The following ADAMTS2 variants were observed in gnomAD, a reference collection of about 807,000 sequenced individuals.
The protein encoded by ADAMTS2 is A disintegrin and metalloproteinase with thrombospondin motifs 2.
ADAMTS2 carries 50 observed loss-of-function variants against 123.0 expected under a neutral mutation model. The ratio of observed to expected loss-of-function variants is 0.41; its 90% confidence interval spans 0.32 to 0.51. ADAMTS2 has a LOEUF of 0.51. Among genes scored for constraint, ADAMTS2 ranks in the 20% least tolerant of loss-of-function variants. The pLI, the probability that ADAMTS2 is intolerant of heterozygous loss-of-function variation, is 0.35. For missense variants in ADAMTS2, 1,494 were observed against 1,705.2 expected (o/e 0.88, Z 2.18); for synonymous variants, 678 against 695.4 (o/e 0.98, Z 0.39).
At chr5:179,187,589 T>C (rs1015445573) in intron 4 of ADAMTS2, among the ~76,000 whole-genome samples, 1 of 151,746 alleles carries the variant, frequency 6.6e-6, no homozygotes, top group Non-Finnish European at 1.5e-5. Flanking sequence ...GCTAAGGGCC[T>C]CCCCTCCCCT....
At chr5:179,229,665 T>C (rs573442281) in intron 3 of ADAMTS2, among the ~76,000 whole-genome samples, 19 of 152,190 alleles carry the variant, frequency 1.2e-4, no homozygotes, top group Non-Finnish European at 1.9e-4. Flanking sequence ...CTGCAGCCAT[T>C]CTTGAAATCA....
chr5:179,285,182 C>T lies in ADAMTS2; in HGVS notation c.535-12118G>A, dbSNP rs1051141416. ...AACAAAGGGTCAGCAGTGTTACGAT[C>T]GGGGGTGAGTTTCACTTTTTATTAA... On this transcript the variant is annotated intron_variant, in intron 2 of 21. Transcript: ENST00000251582. This position sits in a 1 kb window ranked among gnomAD's most constrained non-coding sequence, Gnocchi z 4.9. Among the ~76,000 whole-genome samples, 8 of 152,150 alleles carry T rather than the reference C, an allele frequency of 5.3e-5. No homozygotes were observed. Among genetic ancestry groups the T allele is most frequent in the East Asian group, 1.9e-4 (1 of 5,180 alleles).
chr5:179,205,210 GC>G (rs1345518358), intron 4 of ADAMTS2, among the ~76,000 whole-genome samples: 2 of 152,186 alleles, frequency 1.3e-5, no homozygotes, highest in Non-Finnish European at 2.9e-5. Flanking sequence ...AGGTTGATCT[GC>G]CTCTGCCAGC....
chr5:179,263,801 C>T (rs567636208), intron 3 of ADAMTS2, among the ~76,000 whole-genome samples: 14 of 152,374 alleles, frequency 9.2e-5, no homozygotes, highest in African/African-American at 2.6e-4. Flanking sequence ...AGAAGACAGA[C>T]GCCAGCACGC....
rs1054480 is a variant in ADAMTS2, at chr5:179,113,974, G to A, written c.3529C>T (p.Pro1177Ser). The change falls in exon 22 of 22, where the codon CCC (proline) becomes TCC (serine). Residue 1177 changes from proline (P) to serine (S), a missense_variant. Physicochemically the swap from Pro to Ser is moderately conservative, Grantham distance 74 (BLOSUM62 -1). Coordinates refer to ENST00000251582, the MANE Select transcript of ADAMTS2 (RefSeq NM_014244.5). ...CTCGGTCGTCGAGGGATTAGGTTGG[G>A]TGGCTGGACTTCATCTTCCAGGCCA... Reference protein sequence around the residue: ...IHGLEDEVQPPNLIPRRPSPY... With the variant: ...IHGLEDEVQPSNLIPRRPSPY... 468,924 of 1,613,916 alleles carry A rather than the reference G, an allele frequency of 0.29. 71,235 individuals are homozygous for A. The highest frequency in any genetic ancestry group is 0.39 in the Admixed American group (23,431 of 60,004).
intron 2 of ADAMTS2, among the ~76,000 whole-genome samples, chr5:179,284,194 T>G (rs547535839): frequency 6.0e-5 from 9 of 150,146 alleles, no homozygotes; most frequent in African/African-American, 2.2e-4. Flanking sequence ...CCGGGCTTGG[T>G]GGTACGCGCC....
At position 179,260,781 on chromosome 5, in the gene ADAMTS2, T is replaced by C. The variant is rs1305776169; in HGVS notation, c.688+12130A>G. Among the ~76,000 whole-genome samples the C allele has an allele frequency of 6.6e-6, 1 of 152,216 alleles. No individual in the cohort carries two copies. The highest frequency in any genetic ancestry group is 6.5e-5 in the Admixed American group (1 of 15,280). On this transcript the variant is annotated intron_variant, in intron 3 of 21. Transcript: ENST00000251582. The surrounding 1 kb of genome is among the most constrained non-coding windows in gnomAD (Gnocchi z 4.2). ...CCTAGGAGATGATGTACCTGCAGCG[T>C]GCTGGCAGACGCGGTCAACGGTAAG...
intron 13 of ADAMTS2, among the ~76,000 whole-genome samples, chr5:179,134,388 G>A (rs1233368289): frequency 6.6e-6 from 1 of 152,046 alleles, no homozygotes. Flanking sequence ...ACCAAACCAA[G>A]ATTCTTGCAC....
intron 19 of ADAMTS2, among the ~76,000 whole-genome samples, chr5:179,124,343 T>A (rs1245772291): frequency 6.6e-6 from 1 of 152,060 alleles, no homozygotes; most frequent in Non-Finnish European, 1.5e-5. Flanking sequence ...GGACCACCCC[T>A]GAAGCCCTTC....
At chr5:179,122,073 T>C (rs969574944) in intron 20 of ADAMTS2, among the ~76,000 whole-genome samples, 70 of 152,262 alleles carry the variant, frequency 4.6e-4, no homozygotes, top group African/African-American at 1.7e-3. Flanking sequence ...ACTCGAGCTC[T>C]GAGCTCCCAG....
chr5:179,323,139 G>C (rs408508), intron 2 of ADAMTS2, among the ~76,000 whole-genome samples: 130,347 of 152,272 alleles, frequency 0.86, 55,868 homozygotes, highest in Admixed American at 0.91. Flanking sequence ...TGGTGCCCTC[G>C]AGAGGCAGGC....
Position 179,113,853 on chromosome 5 carries a change from ATCT to A in ADAMTS2, c.*11_*13del. 2 of 1,611,972 alleles carry A rather than the reference ATCT, an allele frequency of 1.2e-6. No individual in the cohort carries two copies. Among genetic ancestry groups the A allele is most frequent in the Non-Finnish European group, 1.7e-6 (2 of 1,178,000 alleles). Reference sequence around the variant, plus strand: ...GCAAGAAAAAAATGCTAGGGATGCTATCTTTCCATTTTATTAGAACTTTCCGAG... The same window carrying A: ...GCAAGAAAAAAATGCTAGGGATGCTATTCCATTTTATTAGAACTTTCCGAG... On this transcript the variant is annotated 3_prime_UTR_variant, in exon 22 of 22. Coordinates refer to ENST00000251582, the MANE Select transcript of ADAMTS2 (RefSeq NM_014244.5).
At chr5:179,207,035 C>CTTT (rs1277684996) in intron 4 of ADAMTS2, among the ~76,000 whole-genome samples, 1 of 152,166 alleles carries the variant, frequency 6.6e-6, no homozygotes, top group Non-Finnish European at 1.5e-5. Context: ...CTACTTTAAA[C>CTTT]AGAAAAGGGG....
chr5:179,230,574 T>G (rs1765387764), intron 3 of ADAMTS2, among the ~76,000 whole-genome samples: 1 of 152,168 alleles, frequency 6.6e-6, no homozygotes, highest in Non-Finnish European at 1.5e-5. Context: ...TCACCTTGGG[T>G]CTCACTTCTG....
intron 2 of ADAMTS2, among the ~76,000 whole-genome samples, chr5:179,335,685 C>T (rs1321476440): frequency 6.6e-6 from 1 of 152,214 alleles, no homozygotes; most frequent in Non-Finnish European, 1.5e-5. Context: ...AGCTCTCAAG[C>T]CCCTTTTCAT....
intron 3 of ADAMTS2, among the ~76,000 whole-genome samples, chr5:179,231,520 A>G: frequency 6.6e-6 from 1 of 152,208 alleles, no homozygotes; most frequent in East Asian, 1.9e-4. Context: ...ACAAATCCAC[A>G]CTTGCTGAAC....
intron 3 of ADAMTS2, among the ~76,000 whole-genome samples, chr5:179,241,984 T>TG (rs376563098): frequency 7.9e-5 from 12 of 151,948 alleles, no homozygotes; most frequent in South Asian, 2.1e-4. Flanking sequence ...GTGGCTGTGG[T>TG]GGGGGGGCAC....
intron 3 of ADAMTS2, among the ~76,000 whole-genome samples, chr5:179,208,358 C>T (rs1258182785): frequency 6.6e-6 from 1 of 152,228 alleles, no homozygotes; most frequent in African/African-American, 2.4e-5. Context: ...CGAGGCCCCA[C>T]ATCTCTGGGC....
chr5:179,222,408 G>A (rs1281576570), intron 3 of ADAMTS2, among the ~76,000 whole-genome samples: 1 of 152,210 alleles, frequency 6.6e-6, no homozygotes, highest in African/African-American at 2.4e-5. Context: ...CGGGGCAGGT[G>A]GCAGGGATGC....
Sources: gnomAD v4.1 joint callset for allele counts (sites outside exome capture counted in the v4.1 genomes callset) on GRCh38, gnomAD v4.1.1 for gene constraint, Gnocchi (gnomAD v3.1) non-coding constraint, MANE v1.5 for transcripts, NCBI Gene and HGNC (gene_info 2026-07-23, HGNC 2026-07-21) for gene names.